The following VPS41 variants were observed in gnomAD, a reference collection of about 807,000 sequenced individuals.
The protein encoded by VPS41 is VPS41 subunit of HOPS complex, also known as vacuolar protein sorting-associated protein 41 homolog.
Under a neutral mutation model 130.9 loss-of-function variants are expected in VPS41, and 85 were observed. The observed-to-expected ratio is 0.65, with a 90% CI of 0.55 to 0.78. The LOEUF is 0.78. VPS41 is among the 30% of genes least tolerant of loss of function. VPS41 has a pLI of 0.00. For missense variants in VPS41, 874 were observed against 1,018.7 expected (o/e 0.86, Z 1.93); for synonymous variants, 335 against 332.9 (o/e 1.01, Z -0.07).
At chr7:38,854,884 A>C (rs181542873) in intron 4 of VPS41, among the ~76,000 whole-genome samples, 36 of 151,984 alleles carry the variant, frequency 2.4e-4, no homozygotes, top group African/African-American at 7.7e-4. Context: ...AGGTAACACA[A>C]AGAAGGAGAT....
chr7:38,830,391 T>A, intron 4 of VPS41, 63 bp from the exon 5 acceptor site: 3 of 960,888 alleles, frequency 3.1e-6, no homozygotes, highest in Non-Finnish European at 5.1e-6. Context: ...ACAATCAATG[T>A]CTTTGCTCTT....
At chr7:38,832,475 C>A (rs565267617) in intron 4 of VPS41, among the ~76,000 whole-genome samples, 1 of 152,034 alleles carries the variant, frequency 6.6e-6, no homozygotes, top group Admixed American at 6.5e-5. Context: ...CGTGCCACCA[C>A]GTCCAGCTAA....
rs77214087 is a variant in VPS41 at position 38,824,461 on chromosome 7, T to C, written c.322-3196A>G. On this transcript the variant is annotated intron_variant, in intron 5 of 28. Transcript: ENST00000310301. ...CTAAGAGCAAATACCATTATGCCTG[T>C]TGAACTGATGATTCTATAGAAAAAT... Among the ~76,000 whole-genome samples the C allele has an allele frequency of 3.3e-5, 5 of 152,340 alleles. No homozygotes were observed. The East Asian group carries it at 5.8e-4, about 18-fold the overall frequency.
chr7:38,796,846 A>C lies in VPS41; in HGVS notation c.469T>G (p.Ser157Ala). ...GGKKLLLFER[S>A]WMNRWKSAVL... ...GCAGACTTCCATCTGTTCATCCAAG[A>C]CCGTTCAAACAGTAGCAGCTAGGGA... The change falls in exon 8 of 29, where the codon TCT (serine) becomes GCT (alanine). Residue 157 changes from serine (S) to alanine (A), a missense_variant. Physicochemically the swap from Ser to Ala is moderately conservative, Grantham distance 99. Transcript: ENST00000310301. The C allele has an allele frequency of 6.2e-7, 1 of 1,613,946 alleles. No homozygotes were observed. Among genetic ancestry groups the C allele is most frequent in the Non-Finnish European group, 8.5e-7 (1 of 1,179,844 alleles).
chr7:38,751,411 A>G (rs1783670650), intron 22 of VPS41, among the ~76,000 whole-genome samples: 1 of 152,230 alleles, frequency 6.6e-6, no homozygotes, highest in South Asian at 2.1e-4. Flanking sequence ...GTTGGCTTTT[A>G]GGCTGCCCAG....
intron 7 of VPS41, 142 bp from the exon 8 acceptor site, chr7:38,797,006 T>C: frequency 1.1e-6 from 1 of 899,294 alleles, no homozygotes; most frequent in South Asian, 1.6e-5. Context: ...TACAGTAGTA[T>C]GTTATTTGTA....
At chr7:38,831,769 G>C (rs952664827) in intron 4 of VPS41, among the ~76,000 whole-genome samples, 1 of 152,224 alleles carries the variant, frequency 6.6e-6, no homozygotes, top group African/African-American at 2.4e-5. Context: ...AGGAAAATGA[G>C]GCTTCAAGAA....
intron 6 of VPS41, 62 bp from the exon 7 acceptor site, chr7:38,817,944 C>A: frequency 7.8e-7 from 1 of 1,278,578 alleles, no homozygotes; most frequent in Non-Finnish European, 1.1e-6. Flanking sequence ...AGAATGAAAA[C>A]CCCTGACACA....
chr7:38,809,961 T>A (rs1163038424), intron 7 of VPS41, among the ~76,000 whole-genome samples: 1 of 152,220 alleles, frequency 6.6e-6, no homozygotes, highest in Non-Finnish European at 1.5e-5. Context: ...GACAGATTTA[T>A]TTCTAAAATA....
chr7:38,767,488 G>A (rs1331634614), intron 15 of VPS41, 49 bp downstream of exon 15: 3 of 1,351,914 alleles, frequency 2.2e-6, no homozygotes, highest in East Asian at 4.8e-5. Context: ...TGTTAGCAAT[G>A]CTCAATTCTA....
chr7:38,800,228 A>G (rs1463235870), intron 7 of VPS41, among the ~76,000 whole-genome samples: 1 of 152,210 alleles, frequency 6.6e-6, no homozygotes, highest in African/African-American at 2.4e-5. Flanking sequence ...TATCTTCATT[A>G]ACAGAAAAAG....
chr7:38,883,970 T>C (rs1175886682), intron 2 of VPS41, among the ~76,000 whole-genome samples: 1 of 152,236 alleles, frequency 6.6e-6, no homozygotes, highest in East Asian at 1.9e-4. Flanking sequence ...CCAAGTGCTA[T>C]GTGGAAGCTA....
intron 2 of VPS41, 112 bp downstream of exon 2, chr7:38,897,979 G>A (rs538637353): frequency 1.5e-5 from 13 of 889,128 alleles, no homozygotes; most frequent in Non-Finnish European, 1.8e-5. Context: ...GTTACCTATC[G>A]CCCTGCTTTA....
At chr7:38,873,796 C>G (rs1252587436) in intron 2 of VPS41, among the ~76,000 whole-genome samples, 1 of 152,192 alleles carries the variant, frequency 6.6e-6, no homozygotes, top group East Asian at 1.9e-4. Context: ...TACCATCCTA[C>G]AGAATTCTAA....
chr7:38,735,754 A>T (rs1025747560), intron 25 of VPS41, among the ~76,000 whole-genome samples: 1 of 152,202 alleles, frequency 6.6e-6, no homozygotes, highest in African/African-American at 2.4e-5. Context: ...TAAGTCATCA[A>T]GTATATGGCA....
At position 38,727,699 on chromosome 7, in the gene VPS41, T is replaced by C. The variant is rs945439636; in HGVS notation, c.2405-711A>G. Among the ~76,000 whole-genome samples, 3 of 152,172 alleles carry C rather than the reference T, an allele frequency of 2.0e-5. 1 individual carries two copies. The highest frequency in any genetic ancestry group is 6.5e-5 in the Admixed American group (1 of 15,272). ...TAGAAAAGAACCTAAGTAGAACAAC[T>C]TCTCATGGACTGCCCCATGAAATAA... On this transcript the variant is annotated intron_variant, in intron 27 of 28. Transcript: ENST00000310301.
rs117694486 is a variant in VPS41, at chr7:38,869,256, G to A, written c.61-3C>T. ...GGTTCCTCTTCGCTCTCTTCTTCCT[G>A]CACAAACGGCAAAGAAAAATGACAC... On this transcript the variant is annotated splice_region_variant and splice_polypyrimidine_tract_variant and intron_variant, in intron 2 of 28. Transcript: ENST00000310301. 6.9e-3 allele frequency: 10,951 copies of A among 1,597,434 alleles called. 74 individuals carry two copies. Among genetic ancestry groups the A allele is most frequent in the Middle Eastern group, 0.027 (159 of 5,970 alleles).
chr7:38,840,705 A>T, intron 4 of VPS41, among the ~76,000 whole-genome samples: 2 of 152,372 alleles, frequency 1.3e-5, no homozygotes, highest in Middle Eastern at 3.4e-3. Context: ...TAAACATTAA[A>T]TGTAAAATAA....
chr7:38,783,312 G>A (rs879108317), intron 10 of VPS41, among the ~76,000 whole-genome samples: 4 of 151,658 alleles, frequency 2.6e-5, no homozygotes, highest in Admixed American at 2.6e-4. Context: ...CAAGGCAGGT[G>A]GATCACAAGG....
Sources: allele counts gnomAD v4.1 joint callset (sites outside exome capture counted in the v4.1 genomes callset), GRCh38; gene constraint gnomAD v4.1.1; transcripts MANE v1.5; gene names NCBI Gene and HGNC (gene_info 2026-07-23, HGNC 2026-07-21).